Variants in CSMD1 observed in about 807,000 individuals in gnomAD.
The protein encoded by CSMD1 is CUB and sushi domain-containing protein 1.
A neutral mutation model predicts 417.5 loss-of-function variants in CSMD1; 213 were observed. The observed-to-expected ratio is 0.51, with a 90% CI of 0.46 to 0.57. The LOEUF (loss-of-function observed/expected upper bound fraction) is 0.57, where lower values mean the gene tolerates loss of function less well. Ranked by LOEUF, CSMD1 falls within the 20% of genes least tolerant of loss-of-function variation. The pLI is 0.00. For missense variants in CSMD1, 6,923 were observed against 4,529.7 expected, an observed-to-expected ratio of 1.53 and a Z score of -15.17; for synonymous variants, 2,862 against 1,736.8, an observed-to-expected ratio of 1.65 and a Z score of -16.11.
At chr8:3,427,399 A>G (rs1813919250) in intron 12 of CSMD1, among the ~76,000 whole-genome samples, 1 of 152,198 alleles carries the variant, frequency 6.6e-6, no homozygotes, top group Admixed American at 6.5e-5. Flanking sequence ...CCTATTTAAT[A>G]ATAACTAATC....
intron 1 of CSMD1, among the ~76,000 whole-genome samples, chr8:4,767,926 G>C (rs1407974363): frequency 1.3e-5 from 2 of 152,108 alleles, no homozygotes; most frequent in Non-Finnish European, 2.9e-5. Flanking sequence ...AAAACAAATG[G>C]AAAGTAAATT....
chr8:2,991,539 C>T (rs946220853), intron 54 of CSMD1, among the ~76,000 whole-genome samples: 2 of 152,100 alleles, frequency 1.3e-5, no homozygotes, highest in African/African-American at 4.8e-5. Flanking sequence ...TAAAAAACAA[C>T]CTGGAATTTG....
chr8:3,983,946 A>G (rs1814107469), intron 5 of CSMD1, among the ~76,000 whole-genome samples: 1 of 152,176 alleles, frequency 6.6e-6, no homozygotes. Context: ...GCAACTCTAG[A>G]GCACATTGCA....
chr8:4,895,289 G>C (rs943710121), intron 1 of CSMD1, among the ~76,000 whole-genome samples: 1 of 152,098 alleles, frequency 6.6e-6, no homozygotes, highest in East Asian at 1.9e-4. Context: ...TATGAAAATG[G>C]TAAGTCCGTA....
chr8:4,429,991 T>C (rs1797780882), intron 2 of CSMD1, among the ~76,000 whole-genome samples: 1 of 152,186 alleles, frequency 6.6e-6, no homozygotes, highest in Admixed American at 6.5e-5. Context: ...AGCTGGAAGA[T>C]GAGGTCTCCT....
chr8:3,194,459 T>TATTTCATTTC (rs1165903189), intron 33 of CSMD1, among the ~76,000 whole-genome samples: 3 of 122,966 alleles, frequency 2.4e-5, no homozygotes, highest in Non-Finnish European at 5.3e-5. Flanking sequence ...TATTTTATTT[T>TATTTCATTTC]ATTTCATTTC....
rs150342402 is a variant in CSMD1, at chr8:4,383,092, A to G, written c.415+36861T>C. Among the ~76,000 whole-genome samples the G allele has an allele frequency of 6.4e-4, 98 of 152,300 alleles. 1 individual carries two copies. Among genetic ancestry groups the G allele is most frequent in the African/African-American group, 2.1e-3 (88 of 41,578 alleles). Reference sequence around the variant, plus strand: ...AGCTGCTCCATGATTAAGCAATGCTATCATCCTCTATTATGGGCTTTCCTG... The same window carrying G: ...AGCTGCTCCATGATTAAGCAATGCTGTCATCCTCTATTATGGGCTTTCCTG... On this transcript the variant is annotated intron_variant, in intron 3 of 69. Transcript: ENST00000635120.
chr8:4,286,531 G>A (rs547099115), intron 3 of CSMD1, among the ~76,000 whole-genome samples: 2 of 151,954 alleles, frequency 1.3e-5, no homozygotes, highest in Non-Finnish European at 2.9e-5. Context: ...GAGATAATAT[G>A]GTCTCATCAT....
chr8:3,856,727 C>G (rs546704889), intron 5 of CSMD1, among the ~76,000 whole-genome samples: 6 of 152,290 alleles, frequency 3.9e-5, no homozygotes, highest in African/African-American at 9.6e-5. Context: ...CCTCAAAAAT[C>G]TTTCAAAGCC....
chr8:3,096,091 T>A (rs532182284), intron 47 of CSMD1, among the ~76,000 whole-genome samples: 257 of 152,258 alleles, frequency 1.7e-3, no homozygotes, highest in African/African-American at 6.0e-3. Context: ...ATCTTGTGAA[T>A]TGATATTACA....
chr8:3,997,706 A>G (rs1454656980), intron 5 of CSMD1, among the ~76,000 whole-genome samples, 197 bp downstream of exon 5: 2 of 152,208 alleles, frequency 1.3e-5, no homozygotes, highest in South Asian at 2.1e-4. Flanking sequence ...TCCAAACACC[A>G]GCACAAAGAC....
chr8:3,217,988 G>C (rs1797978338), intron 29 of CSMD1, among the ~76,000 whole-genome samples: 1 of 152,066 alleles, frequency 6.6e-6, no homozygotes, highest in South Asian at 2.1e-4. Flanking sequence ...AATACACCTT[G>C]TATTTTATTT....
At chr8:4,303,349 T>TC (rs1445047418) in intron 3 of CSMD1, among the ~76,000 whole-genome samples, 1 of 151,252 alleles carries the variant, frequency 6.6e-6, no homozygotes, top group East Asian at 1.9e-4. Flanking sequence ...ATTAGCATCT[T>TC]CCATCACCAA....
chr8:3,924,885 G>C (rs1399850117), intron 5 of CSMD1, among the ~76,000 whole-genome samples: 2 of 152,046 alleles, frequency 1.3e-5, no homozygotes, highest in African/African-American at 4.8e-5. Context: ...TTTGGTACTG[G>C]TGCTTTGTTT....
chr8:4,868,813 T>G (rs571427319), intron 1 of CSMD1, among the ~76,000 whole-genome samples: 1 of 151,924 alleles, frequency 6.6e-6, no homozygotes, highest in Non-Finnish European at 1.5e-5. Flanking sequence ...AAATATCATG[T>G]GCTGTATCAG....
intron 1 of CSMD1, among the ~76,000 whole-genome samples, chr8:4,945,099 C>T (rs1270507386): frequency 6.6e-6 from 1 of 152,146 alleles, no homozygotes; most frequent in Non-Finnish European, 1.5e-5. Flanking sequence ...TAGGCTACAA[C>T]ACAGATGGAC....
chr8:4,202,153 C>T (rs1354639111), intron 3 of CSMD1, among the ~76,000 whole-genome samples: 1 of 152,000 alleles, frequency 6.6e-6, no homozygotes, highest in Middle Eastern at 3.4e-3. Flanking sequence ...ATTTCTAGGA[C>T]GGGTGGGATG....
chr8:3,843,817 G>T (rs981141936), intron 5 of CSMD1, among the ~76,000 whole-genome samples: 2 of 152,138 alleles, frequency 1.3e-5, no homozygotes, highest in Non-Finnish European at 2.9e-5. Context: ...TCCAAGGCTT[G>T]TTTTAGGAAT....
rs142941390 is a variant in CSMD1 at position 4,093,789 on chromosome 8, C to T, written c.416-61690G>A. 5.2e-3 allele frequency among the ~76,000 whole-genome samples: 794 copies of T among 152,138 alleles called. 6 individuals are homozygous for T. The highest frequency in any genetic ancestry group is 0.018 in the African/African-American group (755 of 41,518). On this transcript the variant is annotated intron_variant, in intron 3 of 69. Coordinates refer to ENST00000635120, the MANE Select transcript of CSMD1 (RefSeq NM_033225.6). ...CAGCTTGGCCAACATGGTGAAATCC[C>T]ATATCTACTAAAAATACAAAAAGTA...
Sources: gnomAD v4.1 joint callset for allele counts (sites outside exome capture counted in the v4.1 genomes callset) on GRCh38, gnomAD v4.1.1 for gene constraint, MANE v1.5 for transcripts, NCBI Gene and HGNC (gene_info 2026-07-23, HGNC 2026-07-21) for gene names.